The following ZNF385D variants were observed in gnomAD, a reference collection of about 807,000 sequenced individuals.
ZNF385D encodes the protein zinc finger protein 659.
Under a neutral mutation model 35.8 loss-of-function variants are expected in ZNF385D, and 15 were observed. The ratio of observed to expected loss-of-function variants is 0.42; its 90% CI spans 0.28 to 0.64. ZNF385D has a LOEUF of 0.64. ZNF385D is among the 30% of genes least tolerant of loss of function. The pLI, the probability that ZNF385D is intolerant of heterozygous loss-of-function variation, is 0.23. For missense variants in ZNF385D, 474 were observed against 494.6 expected (o/e 0.96, Z 0.39); for synonymous variants, 212 against 186.8 (o/e 1.13, Z -1.10).
At chr3:21,882,636 A>G (rs1379986375) in intron 3 of ZNF385D, among the ~76,000 whole-genome samples, 2 of 152,048 alleles carry the variant, frequency 1.3e-5, no homozygotes, top group Admixed American at 1.3e-4. Flanking sequence ...CTTGTAAATC[A>G]AAATTTGCAT....
chr3:21,828,126 T>A (rs1256247007), intron 3 of ZNF385D, among the ~76,000 whole-genome samples: 1 of 152,228 alleles, frequency 6.6e-6, no homozygotes, highest in African/African-American at 2.4e-5. Context: ...ACAAAATGTA[T>A]TTTATGGAAG....
chr3:21,852,917 G>A (rs1174007872), intron 3 of ZNF385D, among the ~76,000 whole-genome samples: 1 of 151,784 alleles, frequency 6.6e-6, no homozygotes, highest in Non-Finnish European at 1.5e-5. Context: ...ATCCCGTGAG[G>A]AAAATATGTT....
intron 2 of ZNF385D, among the ~76,000 whole-genome samples, chr3:21,569,122 A>G (rs1377516665): frequency 6.6e-6 from 1 of 151,968 alleles, no homozygotes; most frequent in Non-Finnish European, 1.5e-5. Flanking sequence ...ATCCTTGTTA[A>G]CTTTCTGTCT....
Position 21,812,466 on chromosome 3 carries a change from C to T in ZNF385D, c.326-147438G>A, listed in dbSNP as rs112687514. 6.5e-3 allele frequency among the ~76,000 whole-genome samples: 986 copies of T among 152,360 alleles called. 4 individuals carry two copies. Among genetic ancestry groups the T allele is most frequent in the Non-Finnish European group, 0.011 (721 of 68,032 alleles). ...CCCAGCCAAGGGAAGCCGTGATAGA[C>T]GCTACCTGGAAAACTGGGACACTCC... On this transcript the variant is annotated intron_variant, in intron 3 of 5. Transcript: ENST00000494108.
In ZNF385D at chr3:21,664,892, G is replaced by T. The variant is rs775935935; in HGVS notation, c.159C>A (p.Phe53Leu). ...TAAAVNLFPN[F>L]NAMDPIQKAV... ...AAATTTGGCAGGTACTTACCGCATT[G>T]AAATTGGGGAAGAGGTTGACTGCAG... Residue 53 changes from phenylalanine to leucine, a missense_variant, in exon 2 of 8, where the codon TTC (phenylalanine) becomes TTA (leucine). Physicochemically the swap from Phe to Leu is conservative, Grantham distance 22 (BLOSUM62 0). Transcript: ENST00000281523. The T allele has an allele frequency of 3.1e-6, 5 of 1,613,688 alleles. No individual in the cohort carries two copies. The highest frequency in any genetic ancestry group is 4.2e-6 in the Non-Finnish European group (5 of 1,179,692).
chr3:21,769,000 G>T (rs959255456), intron 3 of ZNF385D, among the ~76,000 whole-genome samples: 2 of 151,662 alleles, frequency 1.3e-5, no homozygotes, highest in African/African-American at 4.9e-5. Flanking sequence ...CAAAAACCGG[G>T]ATTGTTATAA....
chr3:22,361,515 C>T (rs1228086575), intron 2 of ZNF385D, among the ~76,000 whole-genome samples: 1 of 151,960 alleles, frequency 6.6e-6, no homozygotes, highest in Non-Finnish European at 1.5e-5. Context: ...GTTATGAAGC[C>T]TATCTTGGAG....
chr3:22,242,612 A>C (rs1371568190), intron 2 of ZNF385D, among the ~76,000 whole-genome samples: 1 of 151,054 alleles, frequency 6.6e-6, no homozygotes, highest in African/African-American at 2.4e-5. Flanking sequence ...AATATTGAGG[A>C]AAGATTGTTG....
At chr3:22,204,549 A>G (rs1697019890) in intron 2 of ZNF385D, among the ~76,000 whole-genome samples, 1 of 152,076 alleles carries the variant, frequency 6.6e-6, no homozygotes, top group Non-Finnish European at 1.5e-5. Context: ...AGAGACAGAA[A>G]TATGTGACCT....
intron 6 of ZNF385D, among the ~76,000 whole-genome samples, chr3:21,424,408 G>C (rs1303901095): frequency 1.5e-5 from 2 of 134,634 alleles, no homozygotes; most frequent in Non-Finnish European, 3.2e-5. Flanking sequence ...TCTGCCTCCC[G>C]GGTTCAAGCA....
intron 2 of ZNF385D, among the ~76,000 whole-genome samples, chr3:22,262,648 T>A (rs1700694026): frequency 6.6e-6 from 1 of 151,972 alleles, no homozygotes; most frequent in Non-Finnish European, 1.5e-5. Context: ...GAGTCTAAAT[T>A]TTTTAGCAAA....
chr3:21,846,273 T>C (rs1696002024), intron 3 of ZNF385D, among the ~76,000 whole-genome samples: 1 of 152,038 alleles, frequency 6.6e-6, no homozygotes. Context: ...AAAAATATAC[T>C]ATAGCTTTTC....
At chr3:21,603,726 A>T (rs771969355) in intron 2 of ZNF385D, among the ~76,000 whole-genome samples, 1 of 152,200 alleles carries the variant, frequency 6.6e-6, no homozygotes, top group Non-Finnish European at 1.5e-5. Context: ...TTTTAAATCT[A>T]TGGATACTTA....
At chr3:21,924,831 C>T (rs1291341623) in intron 3 of ZNF385D, among the ~76,000 whole-genome samples, 1 of 152,122 alleles carries the variant, frequency 6.6e-6, no homozygotes, top group Non-Finnish European at 1.5e-5. Context: ...TCTCTCCTTA[C>T]TTAGGTGGTC....
At chr3:22,278,858 C>T (rs1701569319) in intron 2 of ZNF385D, among the ~76,000 whole-genome samples, 1 of 152,066 alleles carries the variant, frequency 6.6e-6, no homozygotes, top group Admixed American at 6.6e-5. Flanking sequence ...GGAAGCCTTG[C>T]AGGTATGGGA....
At chr3:22,056,919 G>A (rs1019027572) in intron 3 of ZNF385D, among the ~76,000 whole-genome samples, 4 of 152,214 alleles carry the variant, frequency 2.6e-5, no homozygotes, top group African/African-American at 7.2e-5. Context: ...CAATCATAAA[G>A]TCTCTAATCA....
intron 2 of ZNF385D, among the ~76,000 whole-genome samples, chr3:22,203,291 A>C (rs1250918636): frequency 1.3e-5 from 2 of 152,090 alleles, no homozygotes; most frequent in Admixed American, 6.6e-5. Context: ...ACACTGGGAC[A>C]GAAGGGAATA....
chr3:22,355,435 G>C (rs150176015), intron 2 of ZNF385D, among the ~76,000 whole-genome samples: 2 of 151,958 alleles, frequency 1.3e-5, no homozygotes, highest in East Asian at 3.9e-4. Context: ...ACAACAGTCA[G>C]ACCTAGGAAA....
At chr3:22,263,237 C>G (rs1233991001) in intron 2 of ZNF385D, among the ~76,000 whole-genome samples, 1 of 151,978 alleles carries the variant, frequency 6.6e-6, no homozygotes, top group Non-Finnish European at 1.5e-5. Flanking sequence ...TGGAATCCAT[C>G]TAACCCAGTC....
Sources: allele counts gnomAD v4.1 joint callset (sites outside exome capture counted in the v4.1 genomes callset), GRCh38; gene constraint gnomAD v4.1.1; transcripts MANE v1.5; gene names NCBI Gene and HGNC (gene_info 2026-07-23, HGNC 2026-07-21).